The following DNAH5 variants were observed in gnomAD, a reference collection of about 807,000 sequenced individuals.
DNAH5 encodes the protein axonemal beta dynein heavy chain 5.
In DNAH5, 372 loss-of-function variants were observed where a neutral mutation model predicts 518.2. The ratio of observed to expected loss-of-function variants is 0.72; its 90% CI spans 0.66 to 0.78. DNAH5 has a LOEUF of 0.78. DNAH5 is among the 30% of genes least tolerant of loss of function. The pLI, the probability that DNAH5 is intolerant of heterozygous loss-of-function variation, is 0.00. For synonymous variants in DNAH5, 2,039 were observed against 2,025.9 expected (o/e 1.01, Z -0.17); for missense variants, 5,523 against 5,687.0 (o/e 0.97, Z 0.93).
At chr5:13,829,988 A>T in intron 37 of DNAH5, 38 bp downstream of exon 37, 1 of 1,579,800 alleles carries the variant, frequency 6.3e-7, no homozygotes, top group Non-Finnish European at 8.7e-7. Flanking sequence ...TTGTGATAAG[A>T]AGGCTGAAAT....
chr5:13,886,234 G>A, intron 17 of DNAH5, 105 bp from the exon 18 acceptor site: 1 of 1,203,594 alleles, frequency 8.3e-7, no homozygotes, highest in Non-Finnish European at 1.2e-6. Context: ...CAGCCTCCAG[G>A]TGAGATTTCA....
At chr5:13,990,673 GC>G (rs1445764911) in intron 1 of DNAH5, among the ~76,000 whole-genome samples, 67 of 152,240 alleles carry the variant, frequency 4.4e-4, no homozygotes, top group African/African-American at 1.6e-3. Context: ...TTCGAGACCA[GC>G]CTGGCCAACA....
Position 13,793,536 on chromosome 5 carries a change from C to T in DNAH5, c.8203G>A (p.Ala2735Thr), listed in dbSNP as rs1407958300. 1.2e-6 allele frequency: 2 copies of T among 1,613,872 alleles called. No individual in the cohort carries two copies. Among genetic ancestry groups the T allele is most frequent in the Non-Finnish European group, 1.7e-6 (2 of 1,179,888 alleles). ...SIFNCTLPSE[A>T]SVDKIFGVIG... ...TTACCAAAGATCTTGTCCACAGAAGCTTCAGAGGGCAACGTGCAATTAAAT... is the reference window on the plus strand; with the variant it reads ...TTACCAAAGATCTTGTCCACAGAAGTTTCAGAGGGCAACGTGCAATTAAAT... Residue 2735 changes from alanine to threonine, a missense_variant, in exon 49 of 79, where the codon GCT (alanine) becomes ACT (threonine). Physicochemically the swap from Ala to Thr is moderately conservative, Grantham distance 58 (BLOSUM62 0). Transcript: ENST00000265104.
At chr5:13,967,485 T>A (rs1781602268) in intron 1 of DNAH5, among the ~76,000 whole-genome samples, 1 of 152,216 alleles carries the variant, frequency 6.6e-6, no homozygotes, top group African/African-American at 2.4e-5. Flanking sequence ...CAGCTGGCTG[T>A]AAGTATTTGG....
intron 1 of DNAH5, among the ~76,000 whole-genome samples, chr5:13,992,436 G>A (rs978286084): frequency 6.6e-6 from 1 of 152,206 alleles, no homozygotes; most frequent in African/African-American, 2.4e-5. Flanking sequence ...TCACTTTCTT[G>A]TAAAGGTCAT....
intron 1 of DNAH5, among the ~76,000 whole-genome samples, chr5:13,965,241 A>T (rs930167114): frequency 3.3e-5 from 5 of 152,346 alleles, no homozygotes; most frequent in Admixed American, 6.5e-5. Flanking sequence ...AAAAAATGAT[A>T]TGTAAGTCAA....
At chr5:13,947,898 C>A (rs1780053683), upstream of DNAH5, among the ~76,000 whole-genome samples, 1 of 152,186 alleles carries the variant, frequency 6.6e-6, no homozygotes, top group South Asian at 2.1e-4. Flanking sequence ...TCACGCTTTA[C>A]CATATTGAAA....
intron 61 of DNAH5, 112 bp from the exon 62 acceptor site, chr5:13,754,450 C>T: frequency 8.4e-7 from 1 of 1,193,208 alleles, no homozygotes; most frequent in Non-Finnish European, 1.2e-6. Context: ...GACATGTGAG[C>T]CATTACTTCA....
intron 32 of DNAH5, among the ~76,000 whole-genome samples, chr5:13,843,307 T>C (rs953912535): frequency 6.6e-6 from 1 of 152,144 alleles, no homozygotes; most frequent in African/African-American, 2.4e-5. Flanking sequence ...ACAAATCAGG[T>C]CACTGCCCTG....
At chr5:13,883,822 T>C (rs1472802171) in intron 19 of DNAH5, among the ~76,000 whole-genome samples, 1 of 152,170 alleles carries the variant, frequency 6.6e-6, no homozygotes, top group Non-Finnish European at 1.5e-5. Context: ...TTCTCCATCC[T>C]GAATGAAGTA....
At chr5:13,799,578 A>C (rs538670843) in intron 47 of DNAH5, among the ~76,000 whole-genome samples, 3 of 152,320 alleles carry the variant, frequency 2.0e-5, no homozygotes, top group African/African-American at 7.2e-5. Flanking sequence ...CAACCTGAGA[A>C]CCTAGAAGTT....
At chr5:13,792,473 A>C (rs1757149512) in intron 49 of DNAH5, among the ~76,000 whole-genome samples, 1 of 152,194 alleles carries the variant, frequency 6.6e-6, no homozygotes, top group Admixed American at 6.6e-5. Flanking sequence ...TGGTTGCACC[A>C]CTTCAATATT....
At chr5:13,986,269 G>T (rs1783052398) in intron 1 of DNAH5, among the ~76,000 whole-genome samples, 1 of 152,190 alleles carries the variant, frequency 6.6e-6, no homozygotes. Flanking sequence ...GTGGAAAATA[G>T]TGTGTCAATC....
chr5:13,690,659 A>C lies in DNAH5; in HGVS notation c.*1325T>G, dbSNP rs1194144077. 2 of 152,208 alleles carry C rather than the reference A, an allele frequency of 1.3e-5. No homozygotes were observed. Among genetic ancestry groups the C allele is most frequent in the East Asian group, 3.8e-4 (2 of 5,196 alleles). 9.4% of individuals were successfully genotyped at this position (152,208 alleles called of 1,614,324 possible). ...AGTTATACAGATCCAGAGCTAACCA[A>C]AAGTTTATAAACCACAATTCTAATT... On this transcript the variant is annotated 3_prime_UTR_variant, in exon 79 of 79. Coordinates refer to ENST00000265104, the MANE Select transcript of DNAH5 (RefSeq NM_001369.3).
At chr5:13,956,873 C>T (rs1428889586) in intron 1 of DNAH5, among the ~76,000 whole-genome samples, 1 of 152,168 alleles carries the variant, frequency 6.6e-6, no homozygotes, top group Non-Finnish European at 1.5e-5. Context: ...CTTACCATGG[C>T]TCAGCTAAGG....
chr5:13,716,742 A>G, intron 73 of DNAH5, 52 bp from the exon 74 acceptor site: 1 of 1,285,962 alleles, frequency 7.8e-7, no homozygotes, highest in Non-Finnish European at 1.1e-6. Context: ...TTGCATTATT[A>G]TTTCCCTGCC....
intron 1 of DNAH5, among the ~76,000 whole-genome samples, chr5:14,005,912 G>A: frequency 6.6e-6 from 1 of 152,212 alleles, no homozygotes; most frequent in East Asian, 1.9e-4. Context: ...GCAGCCGGAA[G>A]GCAAAACCAC....
chr5:13,713,820 T>C (rs1193609195), intron 75 of DNAH5, among the ~76,000 whole-genome samples: 1 of 151,914 alleles, frequency 6.6e-6, no homozygotes. Flanking sequence ...ATACCACCTG[T>C]ACCCCAATAA....
rs1477265858 is a variant in DNAH5 at position 13,769,504 on chromosome 5, G to T, written c.9717C>A (p.Asp3239Glu). Residue 3239 changes from aspartate (D) to glutamate (E), a missense_variant, in exon 57 of 79, where the codon GAC (aspartate) becomes GAA (glutamate). By Grantham distance (45) the Asp-to-Glu change is conservative. Around this residue, in one of 3 missense-constraint regions of DNAH5, gnomAD observed 5,121 missense variants for 5,223.3 expected, o/e 0.98. Transcript: ENST00000265104. ...ACATGTGTAAATGCCCACCCACCAT[G>T]TCGGCTTTATCGTTGGCCACTTGTA... ...KELQVANDKA[D>E]MVLKEVTMKA... 3 of 1,613,410 alleles carry T rather than the reference G, an allele frequency of 1.9e-6. No individual in the cohort carries two copies. The highest frequency in any genetic ancestry group is 2.7e-5 in the African/African-American group (2 of 74,916).
Sources: gnomAD v4.1 joint callset for allele counts (sites outside exome capture counted in the v4.1 genomes callset) on GRCh38, gnomAD v4.1.1 for gene constraint, gnomAD v4.1.1 regional missense constraint, MANE v1.5 for transcripts, NCBI Gene and HGNC (gene_info 2026-07-23, HGNC 2026-07-21) for gene names.